Variants in TASP1 observed in about 807,000 individuals in gnomAD.
The protein encoded by TASP1 is taspase 1, also known as threonine aspartase 1.
In TASP1, 16 loss-of-function variants were observed where a neutral mutation model predicts 56.6. The ratio of observed to expected loss-of-function variants is 0.28; its 90% confidence interval spans 0.19 to 0.43. TASP1 has a LOEUF of 0.43. Ranked by LOEUF, TASP1 falls within the 20% of genes least tolerant of loss-of-function variation. TASP1 has a pLI of 1.00. For synonymous variants in TASP1, 179 were observed against 184.2 expected, an observed-to-expected ratio of 0.97 and a Z score of 0.23; for missense variants, 393 against 511.6, an observed-to-expected ratio of 0.77 and a Z score of 2.24.
intron 11 of TASP1, among the ~76,000 whole-genome samples, chr20:13,452,428 A>AAAAAC (rs139997009): frequency 6.0e-5 from 9 of 150,930 alleles, no homozygotes; most frequent in Admixed American, 2.0e-4. Context: ...AAAAAAAAAA[A>AAAAAC]TTCCTGAAAA....
chr20:13,531,822 G>A (rs754439532), intron 9 of TASP1, among the ~76,000 whole-genome samples: 10 of 152,172 alleles, frequency 6.6e-5, no homozygotes, highest in African/African-American at 1.2e-4. Context: ...ATACCACCAC[G>A]CCCAGCTATT....
chr20:13,417,354 A>G, intron 13 of TASP1, 94 bp downstream of exon 13: 1 of 1,366,598 alleles, frequency 7.3e-7, no homozygotes, highest in South Asian at 1.3e-5. Context: ...TGCCCAAAAA[A>G]AGCTGAAAAA....
At chr20:13,299,225 C>T in the TASP1 span, 5 of 1,600,574 alleles carry the variant, frequency 3.1e-6, no homozygotes, top group African/African-American at 1.3e-5. This position sits in a 1 kb window ranked among gnomAD's most constrained non-coding sequence, Gnocchi z 5.8. Context: ...ACTGCTGCTA[C>T]GGCGACAACA....
chr20:13,400,617 A>G (rs2041701157), intron 13 of TASP1, among the ~76,000 whole-genome samples: 1 of 152,230 alleles, frequency 6.6e-6, no homozygotes. Flanking sequence ...ATTGCAGCAG[A>G]CAGTGCAGTC....
chr20:13,167,962 T>C, the TASP1 span: 1 of 152,240 alleles, frequency 6.6e-6, no homozygotes, highest in African/African-American at 2.4e-5. Context: ...AGTGTATATA[T>C]ACTGGTAAAA....
At chr20:13,417,603 G>A (rs2042301095) in intron 12 of TASP1, 82 bp from the exon 13 acceptor site, 2 of 1,450,002 alleles carry the variant, frequency 1.4e-6, no homozygotes, top group Non-Finnish European at 9.5e-7. Context: ...AACAGTTAAA[G>A]ATAGCTTTAT....
chr20:13,597,251 A>G (rs1280004964), intron 4 of TASP1, among the ~76,000 whole-genome samples: 4 of 152,196 alleles, frequency 2.6e-5, no homozygotes, highest in Admixed American at 2.0e-4. Flanking sequence ...TTAGACCAAT[A>G]TCCTTGTTGA....
chr20:13,285,527 A>G, the TASP1 span, among the ~76,000 whole-genome samples: 163 of 152,228 alleles, frequency 1.1e-3, no homozygotes, highest in African/African-American at 3.8e-3. Context: ...CCCCTCCAGG[A>G]GGCTAGCCTA....
the TASP1 span, among the ~76,000 whole-genome samples, chr20:13,223,162 AAAAATAAAATAAAAT>A: frequency 3.4e-5 from 5 of 145,988 alleles, no homozygotes; most frequent in Admixed American, 3.4e-4. Context: ...GTCTCAAAAA[AAAAATAAAATAAAAT>A]AAAATAAAAT....
intron 5 of TASP1, among the ~76,000 whole-genome samples, 192 bp downstream of exon 5, chr20:13,587,058 G>A (rs1343949749): frequency 1.3e-5 from 2 of 152,046 alleles, no homozygotes; most frequent in Non-Finnish European, 1.5e-5. Context: ...AGGGATACAG[G>A]AGAATGATCA....
At chr20:13,152,269 A>G in the TASP1 span, among the ~76,000 whole-genome samples, 1 of 152,242 alleles carries the variant, frequency 6.6e-6, no homozygotes, top group Non-Finnish European at 1.5e-5. Context: ...ATAAATGTCA[A>G]GAGCTTATAA....
chr20:13,329,370 G>A, the TASP1 span, among the ~76,000 whole-genome samples: 1 of 152,130 alleles, frequency 6.6e-6, no homozygotes. Context: ...TGAAGACAAA[G>A]GGAGAAGACA....
chr20:13,210,939 T>C, the TASP1 span, among the ~76,000 whole-genome samples: 1 of 152,160 alleles, frequency 6.6e-6, no homozygotes, highest in East Asian at 1.9e-4. Flanking sequence ...GAGTCAGGAT[T>C]GGTATAGTTA....
At chr20:13,285,093 C>T in the TASP1 span, among the ~76,000 whole-genome samples, 13 of 152,150 alleles carry the variant, frequency 8.5e-5, no homozygotes, top group Admixed American at 2.6e-4. Context: ...TCAAGGCTAG[C>T]CTGGGCAACA....
the TASP1 span, among the ~76,000 whole-genome samples, chr20:13,210,163 T>C: frequency 6.6e-6 from 1 of 152,224 alleles, no homozygotes; most frequent in African/African-American, 2.4e-5. Context: ...ATTCACATTG[T>C]TACATGTAGC....
chr20:13,618,964 G>A (rs1200526317), intron 4 of TASP1, among the ~76,000 whole-genome samples: 21 of 151,858 alleles, frequency 1.4e-4, no homozygotes, highest in Non-Finnish European at 4.4e-5. Context: ...TGCCTCCTGG[G>A]TCCTGGTTCA....
At chr20:13,245,336 T>C in the TASP1 span, 1 of 152,220 alleles carries the variant, frequency 6.6e-6, no homozygotes. Flanking sequence ...GCTCTCAGGA[T>C]GGCAGCAGAA....
At chr20:13,221,219 A>ACTC in the TASP1 span, among the ~76,000 whole-genome samples, 5,447 of 82,148 alleles carry the variant, frequency 0.066, 494 homozygotes, top group Non-Finnish European at 0.082. Flanking sequence ...AAGCCCTCCT[A>ACTC]CTCCTCCTCC....
intron 11 of TASP1, among the ~76,000 whole-genome samples, chr20:13,444,429 T>C (rs1600816350): frequency 6.6e-6 from 1 of 152,166 alleles, no homozygotes; most frequent in East Asian, 1.9e-4. Context: ...TACATATCTA[T>C]GGAGAAAAAT....
Sources: allele counts gnomAD v4.1 joint callset (sites outside exome capture counted in the v4.1 genomes callset), GRCh38; gene constraint gnomAD v4.1.1; non-coding constraint Gnocchi (gnomAD v3.1); transcripts MANE v1.5; gene names NCBI Gene and HGNC (gene_info 2026-07-23, HGNC 2026-07-21).